The following ARHGAP12 variants were observed in gnomAD, a reference collection of about 807,000 sequenced individuals.
The protein encoded by ARHGAP12 is rho GTPase-activating protein 12.
A neutral mutation model predicts 108.6 loss-of-function variants in ARHGAP12; 64 were observed. That is an observed-to-expected ratio of 0.59 (90% CI 0.48 to 0.73). The LOEUF is 0.73. ARHGAP12 is among the 30% of genes least tolerant of loss of function. ARHGAP12 has a pLI of 0.00. For missense variants in ARHGAP12, 940 were observed against 1,005.9 expected (o/e 0.93, Z 0.89); for synonymous variants, 312 against 337.2 (o/e 0.93, Z 0.82).
intron 3 of ARHGAP12, among the ~76,000 whole-genome samples, chr10:31,904,219 T>G (rs73253379): frequency 0.051 from 7,793 of 152,276 alleles, 661 homozygotes; most frequent in African/African-American, 0.18. Context: ...AGATATTCTT[T>G]TATGGATAAA....
intron 1 of ARHGAP12, among the ~76,000 whole-genome samples, chr10:31,926,094 G>A (rs1840026353): frequency 6.6e-6 from 1 of 152,212 alleles, no homozygotes; most frequent in Admixed American, 6.6e-5. Context: ...ATATGACCAA[G>A]TGGATATTAG....
intron 11 of ARHGAP12, among the ~76,000 whole-genome samples, chr10:31,824,999 A>G (rs748617104): frequency 4.6e-5 from 7 of 152,198 alleles, no homozygotes; most frequent in Non-Finnish European, 8.8e-5. Flanking sequence ...GAGGAAAAGG[A>G]GAAAGACATA....
chr10:31,811,285 T>C lies in ARHGAP12; in HGVS notation c.1952-538A>G, dbSNP rs189729976. Among the ~76,000 whole-genome samples, 360 of 152,336 alleles carry C rather than the reference T, an allele frequency of 2.4e-3. 3 individuals are homozygous for C. The highest frequency in any genetic ancestry group is 8.2e-3 in the African/African-American group (342 of 41,578). ...TGCCTGGCACTTAGTAAATACTTGA[T>C]TATTTTAAAAACTATTAAAATAAGC... On this transcript the variant is annotated intron_variant, in intron 15 of 19. Coordinates refer to ENST00000344936, the MANE Select transcript of ARHGAP12 (RefSeq NM_018287.7).
intron 2 of ARHGAP12, among the ~76,000 whole-genome samples, chr10:31,909,757 G>A (rs1381509034): frequency 1.3e-5 from 2 of 152,126 alleles, no homozygotes; most frequent in East Asian, 1.9e-4. Flanking sequence ...TTAGCTGGGT[G>A]TGGTGGCATG....
chr10:31,868,129 C>T (rs1265710628), intron 3 of ARHGAP12, among the ~76,000 whole-genome samples: 1 of 151,320 alleles, frequency 6.6e-6, no homozygotes, highest in East Asian at 1.9e-4. Flanking sequence ...ACCCTGGGGG[C>T]GGAGGATGCA....
At position 31,837,900 on chromosome 10, in the gene ARHGAP12, G is replaced by C. The variant is rs1017831696; in HGVS notation, c.1386+1405C>G. Among the ~76,000 whole-genome samples the C allele has an allele frequency of 3.3e-5, 5 of 152,226 alleles. No homozygotes were observed. In the East Asian group the frequency reaches 9.7e-4, roughly 29 times the overall value. On this transcript the variant is annotated intron_variant, in intron 9 of 19. Transcript: ENST00000344936. The stretch of plus-strand genomic sequence containing the variant: ...AATATTTACTGAGCAGCTATTATAT[G>C]GCACTGTGGGAGGTAATGGGGTAAC...
chr10:31,818,343 C>G (rs1477942467), intron 12 of ARHGAP12, among the ~76,000 whole-genome samples: 2 of 152,102 alleles, frequency 1.3e-5, no homozygotes, highest in Non-Finnish European at 2.9e-5. Context: ...TCAATATTTC[C>G]TACTTTGTAG....
At chr10:31,832,992 T>C (rs1835888184) in intron 9 of ARHGAP12, among the ~76,000 whole-genome samples, 1 of 152,150 alleles carries the variant, frequency 6.6e-6, no homozygotes, top group African/African-American at 2.4e-5. Context: ...ATATTTTTCG[T>C]AAGAACTATG....
At chr10:31,922,699 C>A (rs906086686) in intron 1 of ARHGAP12, among the ~76,000 whole-genome samples, 1 of 152,030 alleles carries the variant, frequency 6.6e-6, no homozygotes, top group South Asian at 2.1e-4. Context: ...CTGGCCCAGG[C>A]GGCTTCACTG....
At chr10:31,834,435 C>T (rs189736568) in intron 9 of ARHGAP12, among the ~76,000 whole-genome samples, 4 of 152,262 alleles carry the variant, frequency 2.6e-5, no homozygotes, top group African/African-American at 7.2e-5. Context: ...CATCTATGAA[C>T]CAGGAAGGTG....
intron 3 of ARHGAP12, among the ~76,000 whole-genome samples, chr10:31,895,498 C>T (rs553251664): frequency 5.3e-5 from 8 of 152,180 alleles, no homozygotes; most frequent in Non-Finnish European, 8.8e-5. Flanking sequence ...AAAATGCTCA[C>T]CATCACTGGC....
chr10:31,869,034 T>G (rs1837440318), intron 3 of ARHGAP12, among the ~76,000 whole-genome samples: 1 of 152,182 alleles, frequency 6.6e-6, no homozygotes, highest in Admixed American at 6.5e-5. Flanking sequence ...ACATTTGTAT[T>G]ACAAAAACAT....
At chr10:31,866,665 G>A (rs1043855626) in intron 3 of ARHGAP12, among the ~76,000 whole-genome samples, 2 of 152,092 alleles carry the variant, frequency 1.3e-5, no homozygotes, top group African/African-American at 4.8e-5. Context: ...GCCCAGGCTG[G>A]AGTGTAATGG....
chr10:31,817,946 A>C, intron 12 of ARHGAP12, 60 bp from the exon 13 acceptor site: 1 of 1,199,904 alleles, frequency 8.3e-7, no homozygotes, highest in Non-Finnish European at 1.2e-6. Flanking sequence ...AGCAAAATAC[A>C]TGAATACCTT....
chr10:31,823,416 T>C (rs893900580), intron 11 of ARHGAP12, among the ~76,000 whole-genome samples: 1 of 151,274 alleles, frequency 6.6e-6, no homozygotes, highest in African/African-American at 2.4e-5. Flanking sequence ...TCTTATAAAG[T>C]GGAATTGCAT....
Position 31,895,047 on chromosome 10 carries a change from T to C in ARHGAP12, c.684+13125A>G, listed in dbSNP as rs552974618. 6.6e-5 allele frequency among the ~76,000 whole-genome samples: 10 copies of C among 152,354 alleles called. No homozygotes were observed. In the South Asian group the frequency reaches 2.1e-3, roughly 32 times the overall value. Reference sequence around the variant, plus strand: ...GTGCTGGGAAAACTGGTTTGCCATATGTAGAAAGCTGAAACTGGATCCCTT... The same window carrying C: ...GTGCTGGGAAAACTGGTTTGCCATACGTAGAAAGCTGAAACTGGATCCCTT... On this transcript the variant is annotated intron_variant, in intron 3 of 19. Transcript: ENST00000344936.
chr10:31,813,187 C>T (rs1835081968), intron 14 of ARHGAP12, among the ~76,000 whole-genome samples: 1 of 151,938 alleles, frequency 6.6e-6, no homozygotes, highest in South Asian at 2.1e-4. Context: ...AAAATGACCA[C>T]CAAAAAGTAA....
At chr10:31,843,770 G>T (rs1337372083) in intron 6 of ARHGAP12, among the ~76,000 whole-genome samples, 184 bp from the exon 7 acceptor site, 1 of 152,162 alleles carries the variant, frequency 6.6e-6, no homozygotes, top group Non-Finnish European at 1.5e-5. Context: ...CAATTGAGAA[G>T]ATCACAGACT....
intron 4 of ARHGAP12, among the ~76,000 whole-genome samples, chr10:31,855,737 A>C (rs574810389): frequency 6.6e-6 from 1 of 152,326 alleles, no homozygotes; most frequent in Non-Finnish European, 1.5e-5. Flanking sequence ...AAGAAACAAA[A>C]TCACAGAATC....
Sources: allele counts gnomAD v4.1 joint callset (sites outside exome capture counted in the v4.1 genomes callset), GRCh38; gene constraint gnomAD v4.1.1; transcripts MANE v1.5; gene names NCBI Gene and HGNC (gene_info 2026-07-23, HGNC 2026-07-21).